Variants in SAMD12 observed in about 807,000 individuals in gnomAD.
The protein encoded by SAMD12 is sterile alpha motif domain-containing protein 12.
Under a neutral mutation model 15.0 loss-of-function variants are expected in SAMD12, and 9 were observed. The observed-to-expected ratio is 0.60, with a 90% CI of 0.36 to 1.05. SAMD12 has a LOEUF of 1.05. Among genes scored for constraint, SAMD12 ranks in the 50% least tolerant of loss-of-function variants. The probability of loss-of-function intolerance (pLI) is 0.01; values close to 1 mark genes in which losing one functional copy is unlikely to be tolerated. For missense variants in SAMD12, 230 were observed against 234.2 expected, an observed-to-expected ratio of 0.98 and a Z score of 0.12; for synonymous variants, 86 against 90.1, an observed-to-expected ratio of 0.96 and a Z score of 0.25.
rs530283356 is a variant in SAMD12, at chr8:118,587,595, A to T, written c.14-6702T>A. ...TTCTGGAACTGACAAAAGAGGAAAGATCTTAACATCACTCTTCCCCTTTGT... is the reference window on the plus strand; with the variant it reads ...TTCTGGAACTGACAAAAGAGGAAAGTTCTTAACATCACTCTTCCCCTTTGT... On this transcript the variant is annotated intron_variant, in intron 1 of 3. Transcript: ENST00000314727. Among the ~76,000 whole-genome samples the T allele has an allele frequency of 3.3e-5, 5 of 152,348 alleles. No homozygotes were observed. The East Asian group carries it at 9.6e-4, about 29-fold the overall frequency.
At chr8:118,173,672 C>G in the SAMD12 span, among the ~76,000 whole-genome samples, 1 of 141,282 alleles carries the variant, frequency 7.1e-6, no homozygotes, top group South Asian at 2.2e-4. Flanking sequence ...CTCTGTTGCT[C>G]AGGCTGGAAT....
At chr8:118,434,373 G>A (rs796241031) in intron 3 of SAMD12, among the ~76,000 whole-genome samples, 6 of 152,274 alleles carry the variant, frequency 3.9e-5, no homozygotes, top group African/African-American at 1.2e-4. Context: ...CCCATGGTTC[G>A]TCCATGAAGT....
At chr8:118,227,258 C>A (rs962442303) in intron 4 of SAMD12, among the ~76,000 whole-genome samples, 1 of 151,994 alleles carries the variant, frequency 6.6e-6, no homozygotes, top group African/African-American at 2.4e-5. Context: ...AGCAAACTGA[C>A]GCAGGAACAG....
At chr8:118,318,125 C>T (rs546206960) in intron 4 of SAMD12, among the ~76,000 whole-genome samples, 11 of 151,502 alleles carry the variant, frequency 7.3e-5, no homozygotes, top group Admixed American at 3.3e-4. Flanking sequence ...ACAACCTCTC[C>T]GGAAAACAAT....
intron 2 of SAMD12, among the ~76,000 whole-genome samples, chr8:118,530,995 T>C (rs886759515): frequency 1.3e-5 from 2 of 152,210 alleles, no homozygotes; most frequent in Non-Finnish European, 2.9e-5. Context: ...CACATGCCAC[T>C]ACATGCCCAT....
chr8:118,488,206 C>T (rs1190177107), intron 2 of SAMD12, among the ~76,000 whole-genome samples: 3 of 141,550 alleles, frequency 2.1e-5, no homozygotes, highest in Admixed American at 7.0e-5. Context: ...GTGTACACCC[C>T]ACCCATTCAT....
At chr8:118,543,750 G>A (rs1485299400) in intron 2 of SAMD12, among the ~76,000 whole-genome samples, 1 of 149,348 alleles carries the variant, frequency 6.7e-6, no homozygotes, top group Non-Finnish European at 1.5e-5. Flanking sequence ...AGATACCCCT[G>A]TCCTTCACCA....
intron 2 of SAMD12, among the ~76,000 whole-genome samples, chr8:118,488,446 T>A (rs1824348302): frequency 6.6e-6 from 1 of 152,174 alleles, no homozygotes; most frequent in South Asian, 2.1e-4. Context: ...TGCATATGTA[T>A]ACACCATGCA....
chr8:118,427,906 G>C (rs1251487382), intron 3 of SAMD12, among the ~76,000 whole-genome samples: 1 of 152,146 alleles, frequency 6.6e-6, no homozygotes, highest in African/African-American at 2.4e-5. Context: ...ACATACAAGA[G>C]ATTCATGTGT....
chr8:118,240,868 A>T (rs547943271), intron 4 of SAMD12, among the ~76,000 whole-genome samples: 1 of 152,234 alleles, frequency 6.6e-6, no homozygotes, highest in African/African-American at 2.4e-5. Flanking sequence ...CAGTTGACTG[A>T]GCTTTTTTCT....
Position 118,439,760 on chromosome 8 carries a change from A to C in SAMD12, c.322+72T>G. On this transcript the variant is annotated intron_variant, in intron 3 of 3. Coordinates refer to ENST00000314727, the MANE Select transcript of SAMD12 (RefSeq NM_207506.3). ...AGCAGGAAGATGTTGTTTCATGGTA[A>C]GGGTATGGGAAAGGCTATCGTGACT... 2.8e-6 allele frequency: 4 copies of C among 1,428,754 alleles called. 1 individual carries two copies. The South Asian group carries it at 4.9e-5, about 18-fold the overall frequency. The allele number at this position is 1,428,754 out of a possible 1,614,324, so 88.5% of individuals were successfully genotyped here. A position where few individuals can be genotyped will look rare whatever the true frequency, so the allele number is the denominator to read the frequency against.
intron 4 of SAMD12, among the ~76,000 whole-genome samples, chr8:118,219,456 T>A (rs1381567611): frequency 6.6e-6 from 1 of 152,242 alleles, no homozygotes; most frequent in African/African-American, 2.4e-5. Flanking sequence ...GAGGTAATTT[T>A]ACGAACACCC....
the SAMD12 span, among the ~76,000 whole-genome samples, chr8:118,179,819 T>C: frequency 1.4e-3 from 219 of 152,286 alleles, no homozygotes; most frequent in Admixed American, 5.3e-3. Context: ...TGGGTACTTA[T>C]AAAGCCTAGA....
At position 118,340,987 on chromosome 8, in the gene SAMD12, T is replaced by C. The variant is rs560655515; in HGVS notation, c.433+38573A>G. ...GTGGCTTAAAACAATCATTTTTACT[T>C]TGTTCACACTTTTGTGGGTGAGGCA... On this transcript the variant is annotated intron_variant, in intron 4 of 4. Coordinates refer to the SAMD12 transcript ENST00000409003. Among the ~76,000 whole-genome samples the C allele has an allele frequency of 1.3e-4, 20 of 152,352 alleles. No individual in the cohort carries two copies. The South Asian group carries it at 4.2e-3, about 32-fold the overall frequency.
intron 1 of SAMD12, among the ~76,000 whole-genome samples, chr8:118,611,821 G>A (rs964152916): frequency 2.0e-5 from 3 of 152,198 alleles, no homozygotes. Context: ...CCAGAGACCA[G>A]TGGTAAGCCC....
At chr8:118,208,563 C>G (rs1327690314) in intron 4 of SAMD12, among the ~76,000 whole-genome samples, 1 of 152,206 alleles carries the variant, frequency 6.6e-6, no homozygotes, top group Non-Finnish European at 1.5e-5. Context: ...CTCTCAAAGC[C>G]TATGTGAACT....
chr8:118,273,856 G>A (rs1197236246), intron 4 of SAMD12, among the ~76,000 whole-genome samples: 1 of 152,132 alleles, frequency 6.6e-6, no homozygotes, highest in Non-Finnish European at 1.5e-5. Flanking sequence ...CCTCAGGTAG[G>A]AACAGTTGTC....
intron 4 of SAMD12, among the ~76,000 whole-genome samples, chr8:118,269,216 CTCTCTG>C (rs1434070905): frequency 2.1e-4 from 25 of 116,954 alleles, no homozygotes; most frequent in African/African-American, 5.7e-4. Flanking sequence ...CTCTCTCTCT[CTCTCTG>C]TGTGTGTGTG....
chr8:118,519,444 A>T (rs546904709), intron 2 of SAMD12, among the ~76,000 whole-genome samples: 34 of 152,248 alleles, frequency 2.2e-4, no homozygotes, highest in Non-Finnish European at 4.4e-4. Flanking sequence ...GGTCTGGCTG[A>T]CAATCTTATA....
Sources: gnomAD v4.1 joint callset for allele counts (sites outside exome capture counted in the v4.1 genomes callset) on GRCh38, gnomAD v4.1.1 for gene constraint, MANE v1.5 for transcripts, NCBI Gene and HGNC (gene_info 2026-07-23, HGNC 2026-07-21) for gene names.